The following CYSLTR1 variants were observed in gnomAD, a reference collection of about 807,000 sequenced individuals.
CYSLTR1 encodes the protein G-protein coupled receptor HG55.
In CYSLTR1, 1 loss-of-function variant was observed where a neutral mutation model predicts 2.1. The ratio of observed to expected loss-of-function variants is 0.48; its 90% confidence interval spans 0.17 to 2.28. CYSLTR1 has a LOEUF of 2.28. CYSLTR1 is among the 30% of genes most tolerant of loss of function. CYSLTR1 has a pLI of 0.26. For missense variants in CYSLTR1, 299 were observed against 250.1 expected (o/e 1.20, Z -1.32); for synonymous variants, 110 against 89.6 (o/e 1.23, Z -1.28).
chrX:78,314,155 G>A (rs1342553421), intron 1 of CYSLTR1, among the ~76,000 whole-genome samples: 1 of 111,450 alleles, frequency 9.0e-6, no homozygotes, highest in Non-Finnish European at 1.9e-5. Flanking sequence ...GTTTCAGAAG[G>A]CACAGTAAAT....
intron 1 of CYSLTR1, chrX:78,319,118 CTTTT>C (rs910807312): frequency 3.6e-5 from 4 of 109,833 alleles, no homozygotes. Flanking sequence ...GTTTAGTTTT[CTTTT>C]TTTTATTATA....
intron 2 of CYSLTR1, among the ~76,000 whole-genome samples, chrX:78,275,870 A>T (rs1438833858): frequency 8.9e-6 from 1 of 111,920 alleles, no homozygotes; most frequent in Non-Finnish European, 1.9e-5. Flanking sequence ...GAGAGTATTA[A>T]TCTAGAACAT....
chrX:78,306,323 C>G, intron 1 of CYSLTR1, among the ~76,000 whole-genome samples: 1 of 110,373 alleles, frequency 9.1e-6, no homozygotes, highest in South Asian at 3.9e-4. Flanking sequence ...GCCACCATGC[C>G]CGGCTAATTT....
intron 1 of CYSLTR1, among the ~76,000 whole-genome samples, chrX:78,324,381 T>C (rs1344746325): frequency 8.9e-6 from 1 of 112,514 alleles, no homozygotes; most frequent in Non-Finnish European, 1.9e-5. Context: ...TGTTTGTTTG[T>C]TTTTTGAGAC....
intron 2 of CYSLTR1, among the ~76,000 whole-genome samples, chrX:78,275,953 G>T (rs1346322488): frequency 8.9e-6 from 1 of 111,812 alleles, no homozygotes; most frequent in Non-Finnish European, 1.9e-5. Flanking sequence ...ATTTAATGAT[G>T]AGAAAAATGT....
intron 1 of CYSLTR1, among the ~76,000 whole-genome samples, chrX:78,302,113 T>A (rs770633676): frequency 9.5e-4 from 107 of 112,166 alleles, no homozygotes; most frequent in Middle Eastern, 4.6e-3. Flanking sequence ...CAAATCAAGA[T>A]GAGATTTGGG....
chrX:78,295,530 T>C (rs1432040912), intron 1 of CYSLTR1, among the ~76,000 whole-genome samples: 1 of 111,098 alleles, frequency 9.0e-6, no homozygotes, highest in Non-Finnish European at 1.9e-5. Context: ...AGACATTCCT[T>C]TTCTTCACAT....
intron 1 of CYSLTR1, among the ~76,000 whole-genome samples, chrX:78,312,460 A>G (rs938466773): frequency 1.8e-5 from 2 of 112,106 alleles, no homozygotes; most frequent in African/African-American, 6.5e-5. Context: ...CAACAAAAAC[A>G]AAAATAAACA....
intron 1 of CYSLTR1, among the ~76,000 whole-genome samples, chrX:78,287,136 T>C (rs191196924): frequency 7.7e-4 from 86 of 111,937 alleles, no homozygotes; most frequent in African/African-American, 2.8e-3. Context: ...TAACAGTGTC[T>C]TGCAAACAAC....
chrX:78,322,993 C>A (rs1923723340), intron 1 of CYSLTR1, among the ~76,000 whole-genome samples: 1 of 111,527 alleles, frequency 9.0e-6, no homozygotes, highest in Non-Finnish European at 1.9e-5. Context: ...GCCAAAAATG[C>A]TTTATCCTGT....
intron 2 of CYSLTR1, among the ~76,000 whole-genome samples, chrX:78,277,136 C>T (rs1235102751): frequency 1.8e-5 from 2 of 111,327 alleles, no homozygotes; most frequent in East Asian, 2.8e-4. Flanking sequence ...CACGGTTACA[C>T]ATACCCCAAG....
chrX:78,321,622 G>T (rs572512308), intron 1 of CYSLTR1: 1 of 108,406 alleles, frequency 9.2e-6, no homozygotes, highest in Non-Finnish European at 1.9e-5. Flanking sequence ...CCCGGGAGGC[G>T]GAGGCTGTGG....
rs779042637 is a variant in CYSLTR1, at chrX:78,275,172, G to T, written c.-27-1399C>A. 3.6e-5 allele frequency among the ~76,000 whole-genome samples: 4 copies of T among 112,045 alleles called. No homozygotes were observed. In the East Asian group the frequency reaches 1.1e-3, roughly 31 times the overall value. ...CAACCATTGTGGAAGACAGTGTGGC[G>T]ATTCCTCAAGGATCTAGAACTAGAA... On this transcript the variant is annotated intron_variant, in intron 2 of 2. Coordinates refer to ENST00000373304, the MANE Select transcript of CYSLTR1 (RefSeq NM_006639.4).
chrX:78,276,340 C>G (rs1921588898), intron 2 of CYSLTR1, among the ~76,000 whole-genome samples: 1 of 111,400 alleles, frequency 9.0e-6, no homozygotes, highest in African/African-American at 3.3e-5. Context: ...TGTAACATAT[C>G]AGATAATCTT....
chrX:78,284,759 TAA>T (rs61463264), intron 1 of CYSLTR1, among the ~76,000 whole-genome samples: 3 of 73,127 alleles, frequency 4.1e-5, no homozygotes, highest in African/African-American at 5.3e-5. Flanking sequence ...AGAACTCTAC[TAA>T]AAAAAAAAAA....
At chrX:78,296,715 G>T (rs1922590211) in intron 1 of CYSLTR1, among the ~76,000 whole-genome samples, 1 of 111,173 alleles carries the variant, frequency 9.0e-6, no homozygotes, top group African/African-American at 3.3e-5. Flanking sequence ...TTATAGAAAT[G>T]CTACTGATTT....
Position 78,274,153 on chromosome X carries a change from A to C in CYSLTR1, c.-27-380T>G, listed in dbSNP as rs200399596. Reference sequence around the variant, plus strand: ...TTAAGAAGCAGTTTCACATGTATGAATATATCTATATTTATACCTATTTAT... The same window carrying C: ...TTAAGAAGCAGTTTCACATGTATGACTATATCTATATTTATACCTATTTAT... On this transcript the variant is annotated intron_variant, in intron 2 of 2. Coordinates refer to ENST00000373304, the MANE Select transcript of CYSLTR1 (RefSeq NM_006639.4). 5.4e-5 allele frequency among the ~76,000 whole-genome samples: 6 copies of C among 111,693 alleles called. No individual in the cohort carries two copies. In the East Asian group the frequency reaches 1.7e-3, roughly 31 times the overall value.
intron 2 of CYSLTR1, among the ~76,000 whole-genome samples, chrX:78,275,924 C>T (rs180954588): frequency 9.0e-6 from 1 of 111,255 alleles, no homozygotes; most frequent in East Asian, 2.8e-4. Flanking sequence ...GTAAGAGAAA[C>T]CTTAGAAGCC....
intron 1 of CYSLTR1, among the ~76,000 whole-genome samples, chrX:78,286,931 T>C (rs2149187144): frequency 9.0e-6 from 1 of 111,477 alleles, no homozygotes; most frequent in South Asian, 3.8e-4. Context: ...GAGCCCCTTT[T>C]CATGTGCTTA....
Sources: allele counts gnomAD v4.1 joint callset (sites outside exome capture counted in the v4.1 genomes callset), GRCh38; gene constraint gnomAD v4.1.1; transcripts MANE v1.5; gene names NCBI Gene and HGNC (gene_info 2026-07-23, HGNC 2026-07-21).